The following DCHS2 variants were observed in gnomAD, a reference collection of about 807,000 sequenced individuals.
DCHS2 encodes protocadherin-23.
Under a neutral mutation model 182.4 loss-of-function variants are expected in DCHS2, and 142 were observed. The observed-to-expected ratio is 0.78, with a 90% CI of 0.68 to 0.89. The LOEUF (loss-of-function observed/expected upper bound fraction) is 0.89. Ranked by LOEUF, DCHS2 falls within the 40% of genes least tolerant of loss-of-function variation. The probability of loss-of-function intolerance (pLI) is 0.00; values close to 1 mark genes in which losing one functional copy is unlikely to be tolerated. For synonymous variants in DCHS2, 1,740 were observed against 1,663.3 expected (o/e 1.05, Z -1.12); for missense variants, 4,319 against 4,198.6 (o/e 1.03, Z -0.79).
chr4:154,253,871 A>G (rs1020964321), intron 16 of DCHS2, among the ~76,000 whole-genome samples: 4 of 152,048 alleles, frequency 2.6e-5, no homozygotes, highest in African/African-American at 4.8e-5. Context: ...ATTTTTTCAT[A>G]AAACATAAAA....
Position 154,297,669 on chromosome 4 carries a change from T to C in DCHS2, c.6463+182A>G, listed in dbSNP as rs151002951. Among the ~76,000 whole-genome samples, 550 of 152,332 alleles carry C rather than the reference T, an allele frequency of 3.6e-3. 2 individuals carry two copies. Among genetic ancestry groups the C allele is most frequent in the Middle Eastern group, 0.014 (4 of 294 alleles). The stretch of plus-strand genomic sequence containing the variant: ...AAGGAATTTGGTCCTCACTGTCTTC[T>C]GCCCTGTCATTTCATCTCAGACCAG... On this transcript the variant is annotated intron_variant, in intron 13 of 19. Transcript: ENST00000357232.
chr4:154,335,076 A>T lies in DCHS2; in HGVS notation c.2505T>A (p.Ser835Arg). 9 of 1,611,946 alleles carry T rather than the reference A, an allele frequency of 5.6e-6. No homozygotes were observed. The highest frequency in any genetic ancestry group is 7.6e-6 in the Non-Finnish European group (9 of 1,178,012). The change falls in exon 4 of 20, where the codon AGT becomes AGA. Residue 835 changes from serine to arginine, a missense_variant. Physicochemically the swap from Ser to Arg is moderately radical, Grantham distance 110. Transcript: ENST00000357232. ...TGIIYLTLPL[S>R]HLESTTLSLM... ...ACGAAAGTGTGGTAGATTCCAAATG[A>T]CTAAGAGGTAATGTTAAGTAAATAA...
intron 1 of DCHS2, among the ~76,000 whole-genome samples, chr4:154,433,387 T>C (rs1579078302): frequency 8.3e-6 from 1 of 121,128 alleles, no homozygotes; most frequent in African/African-American, 2.8e-5. Context: ...ACTAGTTTTT[T>C]TTTTTTCCTT....
intron 19 of DCHS2, among the ~76,000 whole-genome samples, chr4:154,237,895 A>G (rs1731610049): frequency 6.6e-6 from 1 of 152,216 alleles, no homozygotes; most frequent in Admixed American, 6.5e-5. Flanking sequence ...ATTTGAATCA[A>G]TAGCTTAGTG....
At chr4:154,392,863 A>T (rs986881850) in intron 1 of DCHS2, among the ~76,000 whole-genome samples, 1 of 152,180 alleles carries the variant, frequency 6.6e-6, no homozygotes, top group Admixed American at 6.5e-5. Flanking sequence ...GCTTCTCTTG[A>T]TCAGTTAGGA....
At chr4:154,396,433 G>A (rs1731931577) in intron 1 of DCHS2, among the ~76,000 whole-genome samples, 1 of 152,042 alleles carries the variant, frequency 6.6e-6, no homozygotes, top group Admixed American at 6.6e-5. Context: ...AGCCCACTTG[G>A]CCACCAATTA....
At chr4:154,292,016 G>A (rs904227788) in intron 13 of DCHS2, among the ~76,000 whole-genome samples, 2 of 152,106 alleles carry the variant, frequency 1.3e-5, no homozygotes, top group Non-Finnish European at 2.9e-5. Flanking sequence ...TTAGCCTGAT[G>A]TGATTATTAC....
intron 3 of DCHS2, among the ~76,000 whole-genome samples, chr4:154,363,818 T>C (rs1043011481): frequency 6.6e-6 from 1 of 152,130 alleles, no homozygotes; most frequent in Non-Finnish European, 1.5e-5. Context: ...GCCATAATTA[T>C]ATACAATGTG....
At position 154,335,099 on chromosome 4, in the gene DCHS2, T is replaced by C. The variant is rs138413336; in HGVS notation, c.2482A>G (p.Ile828Val). The C allele has an allele frequency of 3.5e-5, 56 of 1,594,680 alleles. No individual in the cohort carries two copies. The highest frequency in any genetic ancestry group is 4.8e-5 in the Non-Finnish European group (56 of 1,162,470). The change falls in exon 4 of 20, where the codon ATT (isoleucine) becomes GTT (valine). Residue 828 changes from isoleucine (I) to valine (V), a missense_variant. Coordinates refer to ENST00000357232, the MANE Select transcript of DCHS2 (RefSeq NM_001358235.2). Reference protein sequence around the residue: ...LFTIDSTTGIIYLTLPLSHLE... With the variant: ...LFTIDSTTGIVYLTLPLSHLE... ...TGACTAAGAGGTAATGTTAAGTAAATAATTCCTGGGTAGGGAAAAGAAAAC... is the reference window on the plus strand; with the variant it reads ...TGACTAAGAGGTAATGTTAAGTAAACAATTCCTGGGTAGGGAAAAGAAAAC...
intron 14 of DCHS2, chr4:154,269,427 T>C (rs1452919877): frequency 6.4e-6 from 1 of 155,922 alleles, no homozygotes; most frequent in Admixed American, 6.5e-5. Context: ...GTTTAATACA[T>C]GCTGTGTTTG....
intron 5 of DCHS2, among the ~76,000 whole-genome samples, chr4:154,330,003 A>C (rs1231387479): frequency 6.6e-6 from 1 of 152,228 alleles, no homozygotes; most frequent in Non-Finnish European, 1.5e-5. Context: ...GAACTTAGTA[A>C]TGATTTGGAA....
At position 154,270,026 on chromosome 4, in the gene DCHS2, G is replaced by C; in HGVS notation, c.6464-13C>G. ...ACAATAGAAGTACCTGTAAAAATTA[G>C]GTAAAAAAAGAACTCCATTAGGATA... is the stretch of plus-strand genomic sequence containing the variant. On this transcript the variant is annotated splice_polypyrimidine_tract_variant and intron_variant, in intron 13 of 19. Coordinates refer to ENST00000357232, the MANE Select transcript of DCHS2 (RefSeq NM_001358235.2). The C allele has an allele frequency of 6.3e-7, 1 of 1,579,734 alleles. No homozygotes were observed. The highest frequency in any genetic ancestry group is 8.6e-7 in the Non-Finnish European group (1 of 1,169,250).
At chr4:154,347,152 AGAG>A (rs1184846526) in intron 3 of DCHS2, among the ~76,000 whole-genome samples, 1 of 151,190 alleles carries the variant, frequency 6.6e-6, no homozygotes, top group Non-Finnish European at 1.5e-5. Flanking sequence ...TATGAATGTT[AGAG>A]TTCTGATTCT....
chr4:154,343,724 C>G (rs1729219873), intron 3 of DCHS2: 12 of 1,229,490 alleles, frequency 9.8e-6, no homozygotes, highest in Middle Eastern at 4.6e-4. Context: ...TTTGATCTAT[C>G]CAGACCACTC....
intron 14 of DCHS2, among the ~76,000 whole-genome samples, chr4:154,265,882 C>G (rs1438655087): frequency 6.6e-6 from 1 of 152,148 alleles, no homozygotes; most frequent in Non-Finnish European, 1.5e-5. Context: ...TGAGACCCCC[C>G]AGTGAATGTT....
chr4:154,236,080 C>G lies in DCHS2; in HGVS notation c.8572G>C (p.Gly2858Arg). 1 of 1,613,766 alleles carries G rather than the reference C, an allele frequency of 6.2e-7. No homozygotes were observed. Among genetic ancestry groups the G allele is most frequent in the East Asian group, 2.2e-5 (1 of 44,858 alleles). The change falls in exon 20 of 20, where the codon GGT (glycine) becomes CGT (arginine). Residue 2858 changes from glycine to arginine, a missense_variant. Physicochemically the swap from Gly to Arg is moderately radical, Grantham distance 125. Transcript: ENST00000357232. Reference protein sequence around the residue: ...YCLTVQAKDKGDATASLVVWV... With the variant: ...YCLTVQAKDKRDATASLVVWV... ...ACCACTAAGGAGGCAGTTGCATCAC[C>G]TTTGTCTTTGGCTTGGACTGTGAGG...
chr4:154,453,335 G>T (rs1411638221), intron 1 of DCHS2, among the ~76,000 whole-genome samples: 3 of 150,526 alleles, frequency 2.0e-5, no homozygotes, highest in African/African-American at 7.3e-5. Context: ...TTAAGGGGGT[G>T]GGGGTGGTGG....
At chr4:154,321,273 T>C in intron 8 of DCHS2, 51 bp from the exon 9 acceptor site, 3 of 1,420,566 alleles carry the variant, frequency 2.1e-6, no homozygotes, top group Non-Finnish European at 2.8e-6. Flanking sequence ...TAAAACAGTT[T>C]AATGAATAAA....
At position 154,333,016 on chromosome 4, in the gene DCHS2, T is replaced by G. The variant is rs376744304; in HGVS notation, c.3192A>C (p.Ala1064=). The G allele has an allele frequency of 1.9e-6, 3 of 1,614,052 alleles. No homozygotes were observed. The highest frequency in any genetic ancestry group is 2.5e-6 in the Non-Finnish European group (3 of 1,180,004). ...TAACGACTGTCAGCACCAGCAGGGC[T>G]GCCTGAGGATGCACGCCTTGGTCCT... ...RAEDQGVHPQ[A]ALLVLTVVIE... Residue 1064 remains alanine, a synonymous_variant, in exon 5 of 20, where the codon GCA becomes GCC. Transcript: ENST00000357232.
Sources: allele counts gnomAD v4.1 joint callset (sites outside exome capture counted in the v4.1 genomes callset), GRCh38; gene constraint gnomAD v4.1.1; transcripts MANE v1.5; gene names NCBI Gene and HGNC (gene_info 2026-07-23, HGNC 2026-07-21).